CCSER2: variants seen among roughly 807,000 people sequenced by gnomAD.
CCSER2 encodes serine-rich coiled-coil domain-containing protein 2.
In CCSER2, 46 loss-of-function variants were observed where a neutral mutation model predicts 92.3. That is an observed-to-expected ratio of 0.50 (90% CI 0.39 to 0.64). The LOEUF is 0.64. Among genes scored for constraint, CCSER2 ranks in the 30% least tolerant of loss-of-function variants. The probability of loss-of-function intolerance (pLI) is 0.00; values close to 1 mark genes in which losing one functional copy is unlikely to be tolerated. For missense variants in CCSER2, 1,244 were observed against 1,238.9 expected, an observed-to-expected ratio of 1.00 and a Z score of -0.06; for synonymous variants, 433 against 431.4, an observed-to-expected ratio of 1.00 and a Z score of -0.04.
At chr10:84,352,919 T>A (rs1040380902) in intron 1 of CCSER2, among the ~76,000 whole-genome samples, 12 of 152,068 alleles carry the variant, frequency 7.9e-5, no homozygotes, top group African/African-American at 2.9e-4. Context: ...GCCTCCCAAG[T>A]AGCTGGGATT....
intron 4 of CCSER2, among the ~76,000 whole-genome samples, chr10:84,422,034 AGAGT>A (rs1436340788): frequency 1.3e-5 from 2 of 152,184 alleles, no homozygotes; most frequent in Non-Finnish European, 2.9e-5. Context: ...AAAGGAAAAG[AGAGT>A]GAGTGACCTT....
At chr10:84,431,188 T>C (rs1160245919) in intron 5 of CCSER2, among the ~76,000 whole-genome samples, 1 of 152,204 alleles carries the variant, frequency 6.6e-6, no homozygotes, top group Non-Finnish European at 1.5e-5. Context: ...CCTTGACAAA[T>C]GTATAATGCC....
At chr10:84,452,496 G>A (rs1458671366) in intron 6 of CCSER2, among the ~76,000 whole-genome samples, 2 of 152,178 alleles carry the variant, frequency 1.3e-5, no homozygotes, top group Non-Finnish European at 2.9e-5. Flanking sequence ...TAATGTATTA[G>A]CATCCTAATT....
At chr10:84,478,558 A>AT (rs750372289) in intron 9 of CCSER2, among the ~76,000 whole-genome samples, 16 of 151,948 alleles carry the variant, frequency 1.1e-4, no homozygotes, top group Non-Finnish European at 1.8e-4. Flanking sequence ...TCTAACAAGT[A>AT]TTTTTTTTGT....
intron 1 of CCSER2, among the ~76,000 whole-genome samples, chr10:84,330,473 T>C (rs1843502041): frequency 6.6e-6 from 1 of 152,238 alleles, no homozygotes; most frequent in Non-Finnish European, 1.5e-5. Flanking sequence ...AACTGGTAGT[T>C]AATGATTTGT....
intron 3 of CCSER2, chr10:84,389,022 C>A (rs994432689): frequency 4.0e-6 from 1 of 249,770 alleles, no homozygotes; most frequent in African/African-American, 2.3e-5. Context: ...AATAACCATT[C>A]GCATCATAAA....
chr10:84,407,788 T>C (rs1842449980), intron 3 of CCSER2, among the ~76,000 whole-genome samples: 1 of 152,224 alleles, frequency 6.6e-6, no homozygotes, highest in African/African-American at 2.4e-5. Context: ...TAGTGTTATT[T>C]GTAAATTATT....
At chr10:84,455,723 C>T in intron 6 of CCSER2, 1 of 842,820 alleles carries the variant, frequency 1.2e-6, no homozygotes, top group Non-Finnish European at 2.1e-6. Flanking sequence ...ATCAAATGAC[C>T]TCTCTGTAAA....
At chr10:84,491,258 C>A (rs1848146179) in intron 9 of CCSER2, among the ~76,000 whole-genome samples, 1 of 152,224 alleles carries the variant, frequency 6.6e-6, no homozygotes. Context: ...CCACTACTCT[C>A]TTCAAAGCTA....
At chr10:84,503,069 G>A (rs1000214587) in intron 9 of CCSER2, among the ~76,000 whole-genome samples, 2 of 151,834 alleles carry the variant, frequency 1.3e-5, no homozygotes, top group South Asian at 2.1e-4. Context: ...CTAAAAATAC[G>A]AAAAATTAGC....
At chr10:84,328,937 C>T (rs896498233) in intron 1 of CCSER2, 129 bp downstream of exon 1, 1 of 151,894 alleles carries the variant, frequency 6.6e-6, no homozygotes. Flanking sequence ...GTGTCGCCCT[C>T]CCGTACCCGG....
At chr10:84,436,042 A>G (rs1564660313) in intron 5 of CCSER2, among the ~76,000 whole-genome samples, 1 of 151,878 alleles carries the variant, frequency 6.6e-6, no homozygotes, top group Non-Finnish European at 1.5e-5. Context: ...TTAAGAAGTC[A>G]CTCTGGGCCC....
At chr10:84,390,920 C>T in intron 3 of CCSER2, 1 of 746,958 alleles carries the variant, frequency 1.3e-6, no homozygotes, top group Non-Finnish European at 2.5e-6. Flanking sequence ...GAAGAGGAGG[C>T]TTGTACAGCA....
At chr10:84,393,464 C>CTTTCT (rs1407570847) in intron 3 of CCSER2, among the ~76,000 whole-genome samples, 1 of 152,032 alleles carries the variant, frequency 6.6e-6, no homozygotes, top group African/African-American at 2.4e-5. Context: ...GCCTTCTAAG[C>CTTTCT]TTTCTTTTTT....
chr10:84,488,169 G>A (rs377085394), intron 9 of CCSER2, among the ~76,000 whole-genome samples: 5 of 152,110 alleles, frequency 3.3e-5, no homozygotes, highest in African/African-American at 4.8e-5. Flanking sequence ...TTTTTGCATC[G>A]ATGTTCATCA....
chr10:84,382,103 C>A (rs944614963), intron 3 of CCSER2, among the ~76,000 whole-genome samples: 2 of 152,062 alleles, frequency 1.3e-5, no homozygotes, highest in Non-Finnish European at 2.9e-5. Flanking sequence ...GCTTTGTATC[C>A]TGCTGGAATA....
chr10:84,444,857 C>T (rs1330210365), intron 6 of CCSER2, among the ~76,000 whole-genome samples: 1 of 152,168 alleles, frequency 6.6e-6, no homozygotes. Context: ...GTTTAAGCAT[C>T]TCTTTTGTGT....
intron 1 of CCSER2, among the ~76,000 whole-genome samples, chr10:84,330,430 A>G (rs1376771735): frequency 6.6e-6 from 1 of 152,166 alleles, no homozygotes; most frequent in East Asian, 1.9e-4. Context: ...TCTTGTCTTA[A>G]CTGATTCGTA....
At chr10:84,347,857 G>T (rs1387744315) in intron 1 of CCSER2, among the ~76,000 whole-genome samples, 1 of 152,060 alleles carries the variant, frequency 6.6e-6, no homozygotes, top group Non-Finnish European at 1.5e-5. Context: ...CCCAGACGGG[G>T]CGGCGGGGCA....
Sources: gnomAD v4.1 joint callset for allele counts (sites outside exome capture counted in the v4.1 genomes callset) on GRCh38, gnomAD v4.1.1 for gene constraint, MANE v1.5 for transcripts, NCBI Gene and HGNC (gene_info 2026-07-23, HGNC 2026-07-21) for gene names.